PIM2: variants seen among roughly 807,000 people sequenced by gnomAD.
PIM2 encodes the protein Pim-2 proto-oncogene, serine/threonine kinase, also known as serine/threonine-protein kinase pim-2.
Under a neutral mutation model 18.0 loss-of-function variants are expected in PIM2, and 3 were observed. That is an observed-to-expected ratio of 0.17 (90% CI 0.08 to 0.43). The LOEUF is 0.43. Ranked by LOEUF, PIM2 falls within the 20% of genes least tolerant of loss-of-function variation. The pLI is 0.99. For missense variants in PIM2, 181 were observed against 260.8 expected (o/e 0.69, Z 2.11); for synonymous variants, 117 against 105.3 (o/e 1.11, Z -0.68).
intron 2 of PIM2, among the ~76,000 whole-genome samples, chrX:48,918,303 C>CAG: frequency 1.4e-5 from 1 of 71,984 alleles, no homozygotes; most frequent in Non-Finnish European, 2.6e-5. Context: ...CCCCTGCCCC[C>CAG]CCCCCCCGCC....
chrX:48,914,000 C>G lies in PIM2; in HGVS notation c.*131G>C, dbSNP rs1438648673. 2.2e-6 allele frequency: 1 copy of G among 445,254 alleles called. No individual in the cohort carries two copies. Among genetic ancestry groups the G allele is most frequent in the Non-Finnish European group, 3.9e-6 (1 of 259,167 alleles). The allele number at this position is 445,254 out of a possible 1,213,427, so 36.7% of individuals were successfully genotyped here. A position where few individuals can be genotyped will look rare whatever the true frequency, so the allele number is the denominator to read the frequency against. On this transcript the variant is annotated 3_prime_UTR_variant, in exon 6 of 6. Coordinates refer to ENST00000376509, the MANE Select transcript of PIM2 (RefSeq NM_006875.4). Reference sequence around the variant, plus strand: ...TAACCCCTGATCCTCAATCCCTTACCTTAGTAATACTGGACTTTAATGACT... The same window carrying G: ...TAACCCCTGATCCTCAATCCCTTACGTTAGTAATACTGGACTTTAATGACT...
At chrX:48,916,312 T>A (rs782117319) in intron 3 of PIM2, among the ~76,000 whole-genome samples, 1 of 113,075 alleles carries the variant, frequency 8.8e-6, no homozygotes, top group East Asian at 2.7e-4. Flanking sequence ...ATATACCTAA[T>A]TTGTTAAACA....
chrX:48,918,344 C>T (rs913905003), intron 2 of PIM2, among the ~76,000 whole-genome samples, 192 bp downstream of exon 2: 2 of 87,840 alleles, frequency 2.3e-5, no homozygotes, highest in African/African-American at 8.6e-5. Context: ...CACACACGCG[C>T]ACGCACACAC....
chrX:48,915,255 C>T lies in PIM2; in HGVS notation c.360G>A (p.Leu120=). Residue 120 remains leucine (L), a synonymous_variant, in exon 4 of 6, where the codon TTG becomes TTA. Coordinates refer to ENST00000376509, the MANE Select transcript of PIM2 (RefSeq NM_006875.4). ...EGFMLVLERP[L]PAQDLFDYIT... is the part of the protein sequence containing the mutation. ...TATAGTCAAAGAGATCCTGGGCGGG[C>T]AAAGGCCGCTCGAGGACCAGCATGA... 8.3e-7 allele frequency: 1 copy of T among 1,212,018 alleles called. No individual in the cohort carries two copies.
At chrX:48,914,960 A>G in intron 4 of PIM2, 60 bp downstream of exon 4, 1 of 1,096,155 alleles carries the variant, frequency 9.1e-7, no homozygotes, top group Non-Finnish European at 1.2e-6. Context: ...ACTGGAGGCC[A>G]AAGGTCACAA....
At position 48,914,082 on chromosome X, in the gene PIM2, A is replaced by G. The variant is rs782464088; in HGVS notation, c.*49T>C. On this transcript the variant is annotated 3_prime_UTR_variant, in exon 6 of 6. Transcript: ENST00000376509. ...GTCCATCTATCCCTGTGACATGGCC[A>G]TGGGATGGCTCTTCTGACCATTGGG... 185 of 786,409 alleles carry G rather than the reference A, an allele frequency of 2.4e-4. No individual in the cohort carries two copies. The highest frequency in any genetic ancestry group is 3.2e-4 in the Non-Finnish European group (176 of 555,586). 64.8% of individuals were successfully genotyped at this position (786,409 alleles called of 1,213,427 possible). A position where few individuals can be genotyped will look rare whatever the true frequency, so the allele number is the denominator to read the frequency against.
intron 3 of PIM2, 68 bp from the exon 4 acceptor site, chrX:48,915,460 G>C: frequency 4.8e-6 from 5 of 1,036,796 alleles, no homozygotes; most frequent in Non-Finnish European, 6.4e-6. Context: ...CAGCTCTGAG[G>C]CTTTTTACCT....
chrX:48,915,478 A>C (rs1457954097), intron 3 of PIM2, 86 bp from the exon 4 acceptor site: 1 of 935,677 alleles, frequency 1.1e-6, no homozygotes, highest in South Asian at 2.5e-5. Flanking sequence ...CCTAAGCTCA[A>C]CTCAGGGCCC....
intron 3 of PIM2, 159 bp from the exon 4 acceptor site, chrX:48,915,551 G>C (rs1288655764): frequency 4.2e-6 from 2 of 480,453 alleles, no homozygotes; most frequent in Admixed American, 8.3e-5. Flanking sequence ...TTTCCCTAAA[G>C]ACACAAACTC....
At chrX:48,918,347 G>A (rs1306809587) in intron 2 of PIM2, among the ~76,000 whole-genome samples, 189 bp downstream of exon 2, 6 of 62,419 alleles carry the variant, frequency 9.6e-5, no homozygotes, top group Non-Finnish European at 1.4e-4. Context: ...ACACGCGCAC[G>A]CACACACACC....
In PIM2 at chrX:48,918,905, G is replaced by T; in HGVS notation, c.-71C>A. ...GCAGGGCGTGGACGCCCGGGGCAGC[G>T]CAGCTGGGGAGCCAGGGCTGGGGGG... On this transcript the variant is annotated 5_prime_UTR_variant, in exon 1 of 6. Coordinates refer to ENST00000376509, the MANE Select transcript of PIM2 (RefSeq NM_006875.4). 1.0e-6 allele frequency: 1 copy of T among 957,834 alleles called. No homozygotes were observed. Among genetic ancestry groups the T allele is most frequent in the Non-Finnish European group, 1.4e-6 (1 of 694,954 alleles). The allele number at this position is 957,834 out of a possible 1,213,427, so 78.9% of individuals were successfully genotyped here. A position where few individuals can be genotyped will look rare whatever the true frequency, so the allele number is the denominator to read the frequency against.
At chrX:48,917,734 A>C in intron 3 of PIM2, 47 bp downstream of exon 3, 1 of 1,044,748 alleles carries the variant, frequency 9.6e-7, no homozygotes, top group Non-Finnish European at 1.3e-6. Context: ...AGGTGAATAC[A>C]TCAGTGATGG....
At chrX:48,914,664 G>C in intron 4 of PIM2, 93 bp from the exon 5 acceptor site, 1 of 756,962 alleles carries the variant, frequency 1.3e-6, no homozygotes, top group Non-Finnish European at 1.9e-6. Flanking sequence ...CCACAATTAA[G>C]AGCACTCAAG....
At position 48,913,674 on chromosome X, in the gene PIM2, G is replaced by A. The variant is rs2063554793; in HGVS notation, c.*457C>T. ...GACCCAATATGGGACCCTAGGCTAGGGGAAAGGGTCCCTTTACTAAAATAA... is the reference window on the plus strand; with the variant it reads ...GACCCAATATGGGACCCTAGGCTAGAGGAAAGGGTCCCTTTACTAAAATAA... On this transcript the variant is annotated 3_prime_UTR_variant, in exon 6 of 6. Transcript: ENST00000376509. The A allele has an allele frequency of 9.0e-6, 1 of 111,006 alleles. No homozygotes were observed. The highest frequency in any genetic ancestry group is 1.9e-5 in the Non-Finnish European group (1 of 53,657). 9.1% of individuals were successfully genotyped at this position (111,006 alleles called of 1,213,427 possible). A position where few individuals can be genotyped will look rare whatever the true frequency, so the allele number is the denominator to read the frequency against.
At chrX:48,918,449 C>A in intron 2 of PIM2, 87 bp downstream of exon 2, 1 of 627,540 alleles carries the variant, frequency 1.6e-6, no homozygotes, top group East Asian at 3.5e-5. Context: ...TCTGCAGGCT[C>A]ACTCCTCGGT....
rs893933061 is a variant in PIM2 at position 48,918,674 on chromosome X, G to A, written c.62-29C>T. 2.1e-5 allele frequency: 24 copies of A among 1,141,243 alleles called. No homozygotes were observed. In the Admixed American group the frequency reaches 4.1e-4, roughly 19 times the overall value. The allele number at this position is 1,141,243 out of a possible 1,213,427, so 94.1% of individuals were successfully genotyped here. A position where few individuals can be genotyped will look rare whatever the true frequency, so the allele number is the denominator to read the frequency against. ...CGCAGGCGGAGGCGAGGAAGTCAGGGTGGCGGCGTGCTGAGCCCAGCCACG... is the reference window on the plus strand; with the variant it reads ...CGCAGGCGGAGGCGAGGAAGTCAGGATGGCGGCGTGCTGAGCCCAGCCACG... On this transcript the variant is annotated intron_variant, in intron 1 of 5. Coordinates refer to ENST00000376509, the MANE Select transcript of PIM2 (RefSeq NM_006875.4).
In PIM2 at chrX:48,915,384, T is replaced by C; in HGVS notation, c.231A>G (p.Ser77=). The C allele has an allele frequency of 2.5e-6, 3 of 1,199,562 alleles. No homozygotes were observed. In the South Asian group the frequency reaches 5.4e-5, roughly 22 times the overall value. The change falls in exon 4 of 6, where the codon TCA becomes TCG. Residue 77 remains serine (S), a synonymous_variant. Coordinates refer to ENST00000376509, the MANE Select transcript of PIM2 (RefSeq NM_006875.4). ...GTGCGACTTCGAGTGGGCATGTGAC[T>C]GAGTCTGACTGGGGGCACAGGTGGG... is the stretch of plus-strand genomic sequence containing the variant. ...RVLGWSPLSD[S]VTCPLEVALL... is the part of the protein sequence containing the mutation.
intron 2 of PIM2, among the ~76,000 whole-genome samples, chrX:48,918,298 G>GCCCCCCCCCCCC (rs11361543): frequency 7.6e-4 from 19 of 25,000 alleles, no homozygotes; most frequent in Non-Finnish European, 8.0e-4. Context: ...GAAGCCCCCT[G>GCCCCCCCCCCCC]CCCCCCCCCC....
chrX:48,918,869 C>A lies in PIM2; in HGVS notation c.-35G>T, dbSNP rs1557045616. 1 of 1,149,318 alleles carries A rather than the reference C, an allele frequency of 8.7e-7. No homozygotes were observed. Among genetic ancestry groups the A allele is most frequent in the East Asian group, 3.1e-5 (1 of 32,403 alleles). 94.7% of individuals were successfully genotyped at this position (1,149,318 alleles called of 1,213,427 possible). A position where few individuals can be genotyped will look rare whatever the true frequency, so the allele number is the denominator to read the frequency against. ...GCTGCGCAGATTGAGCCCACTGAAC[C>A]CGCTAAGCCCGCAGGGCGTGGACGC... On this transcript the variant is annotated 5_prime_UTR_variant, in exon 1 of 6. Transcript: ENST00000376509.
Sources: allele counts gnomAD v4.1 joint callset (sites outside exome capture counted in the v4.1 genomes callset), GRCh38; gene constraint gnomAD v4.1.1; transcripts MANE v1.5; gene names NCBI Gene and HGNC (gene_info 2026-07-23, HGNC 2026-07-21).